Variants in FBXO11 observed in about 807,000 individuals in gnomAD.
The protein encoded by FBXO11 is F-box only protein 11.
FBXO11 carries 13 observed loss-of-function variants against 117.0 expected under a neutral mutation model. That is an observed-to-expected ratio of 0.11 (90% CI 0.07 to 0.18). The LOEUF (loss-of-function observed/expected upper bound fraction) is 0.18, where lower values mean the gene tolerates loss of function less well. FBXO11 is among the 10% of genes least tolerant of loss of function. The pLI is 1.00. For synonymous variants in FBXO11, 490 were observed against 380.5 expected, an observed-to-expected ratio of 1.29 and a Z score of -3.35; for missense variants, 767 against 1,164.4, an observed-to-expected ratio of 0.66 and a Z score of 4.97.
At chr2:47,844,839 T>G (rs918376297) in intron 1 of FBXO11, among the ~76,000 whole-genome samples, 1 of 152,134 alleles carries the variant, frequency 6.6e-6, no homozygotes, top group Non-Finnish European at 1.5e-5. Flanking sequence ...TTTTGCCATG[T>G]TGCCAAGGAT....
intron 12 of FBXO11, 151 bp downstream of exon 12, chr2:47,822,992 C>T: frequency 3.6e-6 from 2 of 556,464 alleles, no homozygotes; most frequent in Admixed American, 7.1e-5. Context: ...AGCTATGGCT[C>T]ATTCAGATGC....
chr2:47,839,952 T>TA (rs1315556316), intron 1 of FBXO11, among the ~76,000 whole-genome samples, 183 bp from the exon 2 acceptor site: 2 of 152,072 alleles, frequency 1.3e-5, no homozygotes, highest in Non-Finnish European at 2.9e-5. Context: ...GGAAGATTTT[T>TA]TTTTTTTTTG....
At chr2:47,873,039 T>A (rs1224456810) in intron 1 of FBXO11, among the ~76,000 whole-genome samples, 1 of 152,150 alleles carries the variant, frequency 6.6e-6, no homozygotes. Context: ...AGAACTGCTA[T>A]TGTAGAGTAA....
At chr2:47,835,003 T>C in intron 5 of FBXO11, 132 bp from the exon 6 acceptor site, 3 of 688,260 alleles carry the variant, frequency 4.4e-6, no homozygotes, top group Non-Finnish European at 7.4e-6. Context: ...TAATTTTCTG[T>C]CAGAGTACAA....
chr2:47,808,722 T>G (rs1192763059), intron 21 of FBXO11: 1 of 336,092 alleles, frequency 3.0e-6, no homozygotes, highest in Non-Finnish European at 5.4e-6. Context: ...GCGTGAAGAG[T>G]CAAAACTGTC....
chr2:47,902,442 C>A (rs1678367462), intron 1 of FBXO11, among the ~76,000 whole-genome samples: 1 of 152,102 alleles, frequency 6.6e-6, no homozygotes, highest in African/African-American at 2.4e-5. Flanking sequence ...GAAAAATCCT[C>A]AAAGATTTTA....
chr2:47,854,538 T>C (rs1674119359), intron 1 of FBXO11, among the ~76,000 whole-genome samples: 1 of 152,052 alleles, frequency 6.6e-6, no homozygotes, highest in South Asian at 2.1e-4. Flanking sequence ...AAACAGAACC[T>C]AGCTGTATGA....
chr2:47,817,134 T>C (rs541794418), intron 16 of FBXO11, among the ~76,000 whole-genome samples: 1 of 152,256 alleles, frequency 6.6e-6, no homozygotes, highest in East Asian at 1.9e-4. Context: ...CTGGGATAAC[T>C]TTCTGTAGCT....
At chr2:47,813,132 T>G in intron 18 of FBXO11, 102 bp downstream of exon 18, 2 of 1,170,668 alleles carry the variant, frequency 1.7e-6, no homozygotes, top group Non-Finnish European at 2.6e-6. Context: ...AGACTTGAGA[T>G]TCACTCATTT....
chr2:47,852,777 G>T (rs994955588), intron 1 of FBXO11, among the ~76,000 whole-genome samples: 1 of 152,148 alleles, frequency 6.6e-6, no homozygotes, highest in Admixed American at 6.5e-5. Context: ...TTTTATACGT[G>T]TATCAACTCA....
chr2:47,879,679 G>GT (rs1676296718), intron 1 of FBXO11, among the ~76,000 whole-genome samples: 2 of 152,182 alleles, frequency 1.3e-5, no homozygotes, highest in Non-Finnish European at 2.9e-5. Flanking sequence ...TTACCAATAA[G>GT]TTTTGCTAAT....
At chr2:47,849,013 A>G (rs1057148142) in intron 1 of FBXO11, among the ~76,000 whole-genome samples, 2 of 152,216 alleles carry the variant, frequency 1.3e-5, no homozygotes, top group African/African-American at 4.8e-5. Flanking sequence ...CCATAGTCAC[A>G]GATCAGATTG....
At chr2:47,867,022 A>C (rs1675249750) in intron 1 of FBXO11, among the ~76,000 whole-genome samples, 1 of 152,234 alleles carries the variant, frequency 6.6e-6, no homozygotes, top group Non-Finnish European at 1.5e-5. Flanking sequence ...CTCACAACTT[A>C]TAAATAAGCT....
In FBXO11 at chr2:47,840,225, G is replaced by A. The variant is rs182770705; in HGVS notation, c.233-456C>T. 2.8e-4 allele frequency among the ~76,000 whole-genome samples: 43 copies of A among 152,044 alleles called. 1 individual carries two copies. The highest frequency in any genetic ancestry group is 9.4e-4 in the African/African-American group (39 of 41,440). On this transcript the variant is annotated intron_variant, in intron 1 of 22. Coordinates refer to ENST00000403359, the MANE Select transcript of FBXO11 (RefSeq NM_001190274.2). ...CCCAAAGTGCTGGGATTACAGGCGT[G>A]AGCCACCACGCCCAGCCGTGGAAGA... is the stretch of plus-strand genomic sequence containing the variant.
chr2:47,885,749 A>C (rs144154604), intron 1 of FBXO11, among the ~76,000 whole-genome samples: 2 of 152,342 alleles, frequency 1.3e-5, no homozygotes, highest in East Asian at 3.9e-4. Flanking sequence ...ATGCCAACAT[A>C]AAGTGAACCA....
At chr2:47,900,002 C>A in intron 1 of FBXO11, among the ~76,000 whole-genome samples, 1 of 152,058 alleles carries the variant, frequency 6.6e-6, no homozygotes, top group East Asian at 1.9e-4. Context: ...ACTAACAGAT[C>A]AGGAACTACT....
chr2:47,844,708 G>C (rs1202636034), intron 1 of FBXO11, among the ~76,000 whole-genome samples: 2 of 152,192 alleles, frequency 1.3e-5, no homozygotes, highest in South Asian at 2.1e-4. Context: ...CTGGAGTGCA[G>C]TGGTGGGATC....
chr2:47,836,913 T>G, intron 4 of FBXO11: 1 of 374,474 alleles, frequency 2.7e-6, no homozygotes, highest in South Asian at 2.0e-5. Flanking sequence ...TTTTTGATTT[T>G]TTTTTGTAGA....
chr2:47,821,137 C>T (rs1229071835), intron 13 of FBXO11, among the ~76,000 whole-genome samples: 1 of 152,240 alleles, frequency 6.6e-6, no homozygotes, highest in Non-Finnish European at 1.5e-5. Context: ...TCCCTGGTAT[C>T]TGGCATACTG....
Sources: allele counts gnomAD v4.1 joint callset (sites outside exome capture counted in the v4.1 genomes callset), GRCh38; gene constraint gnomAD v4.1.1; transcripts MANE v1.5; gene names NCBI Gene and HGNC (gene_info 2026-07-23, HGNC 2026-07-21).